ZNF407: variants seen among roughly 807,000 people sequenced by gnomAD.
ZNF407 encodes zinc finger protein 407.
ZNF407 carries 17 observed loss-of-function variants against 131.2 expected under a neutral mutation model. The observed-to-expected ratio is 0.13, with a 90% CI of 0.09 to 0.19. The LOEUF is 0.19. Ranked by LOEUF, ZNF407 falls within the 10% of genes least tolerant of loss-of-function variation. The pLI is 1.00. For missense variants in ZNF407, 2,681 were observed against 2,830.6 expected, an observed-to-expected ratio of 0.95 and a Z score of 1.20; for synonymous variants, 1,156 against 1,062.0, an observed-to-expected ratio of 1.09 and a Z score of -1.72.
At chr18:74,727,628 T>C (rs1242971189) in intron 3 of ZNF407, among the ~76,000 whole-genome samples, 3 of 152,198 alleles carry the variant, frequency 2.0e-5, no homozygotes, top group Admixed American at 6.5e-5. Context: ...TCGTTACTTT[T>C]CAACTTTCAG....
Position 74,661,310 on chromosome 18 carries a change from C to T in ZNF407, c.4802+20188C>T, listed in dbSNP as rs961796368. ...TATTGGCACCTTCAAATAGTATTGACTTCTAAAAGGCTGTAAGCTTAGTAA... is the reference window on the plus strand; with the variant it reads ...TATTGGCACCTTCAAATAGTATTGATTTCTAAAAGGCTGTAAGCTTAGTAA... On this transcript the variant is annotated intron_variant, in intron 3 of 8. Transcript: ENST00000299687. 2.0e-5 allele frequency among the ~76,000 whole-genome samples: 3 copies of T among 151,272 alleles called. No individual in the cohort carries two copies. The Middle Eastern group carries it at 0.01, about 518-fold the overall frequency.
At chr18:74,838,070 C>T (rs1269062733) in intron 4 of ZNF407, among the ~76,000 whole-genome samples, 2 of 152,184 alleles carry the variant, frequency 1.3e-5, no homozygotes, top group East Asian at 3.8e-4. Context: ...ATTGATTACT[C>T]ATATTGGCAG....
chr18:74,855,516 TA>T (rs1970847282), intron 4 of ZNF407, among the ~76,000 whole-genome samples: 1 of 152,210 alleles, frequency 6.6e-6, no homozygotes, highest in Non-Finnish European at 1.5e-5. Context: ...CCAAAAGCCA[TA>T]ATGTGAAATT....
intron 3 of ZNF407, among the ~76,000 whole-genome samples, chr18:74,716,107 T>C (rs1967887925): frequency 6.6e-6 from 1 of 152,240 alleles, no homozygotes; most frequent in African/African-American, 2.4e-5. Context: ...ACATAGTTTT[T>C]TCAAATAGAT....
intron 7 of ZNF407, among the ~76,000 whole-genome samples, chr18:74,912,146 G>A (rs1460724395): frequency 6.6e-6 from 1 of 152,092 alleles, no homozygotes; most frequent in Non-Finnish European, 1.5e-5. Context: ...TATAACATCT[G>A]TGCCAAGCTC....
At chr18:75,020,580 C>T (rs1358280181) in intron 8 of ZNF407, among the ~76,000 whole-genome samples, 1 of 152,012 alleles carries the variant, frequency 6.6e-6, no homozygotes, top group Non-Finnish European at 1.5e-5. Flanking sequence ...AAATGAATAG[C>T]CCAGTAAAAT....
At chr18:74,832,921 G>C (rs1970505132) in intron 4 of ZNF407, among the ~76,000 whole-genome samples, 1 of 152,068 alleles carries the variant, frequency 6.6e-6, no homozygotes, top group Non-Finnish European at 1.5e-5. Context: ...CAATGGAAAA[G>C]GAATTACTTG....
chr18:74,755,699 C>T (rs568199909), intron 3 of ZNF407, among the ~76,000 whole-genome samples: 1 of 145,658 alleles, frequency 6.9e-6, no homozygotes, highest in Non-Finnish European at 1.5e-5. Context: ...AGCGATTCTT[C>T]TGCCTCAGCC....
chr18:74,735,681 A>G (rs1968395902), intron 3 of ZNF407, among the ~76,000 whole-genome samples: 1 of 152,208 alleles, frequency 6.6e-6, no homozygotes, highest in African/African-American at 2.4e-5. Flanking sequence ...CTTCAATGTC[A>G]TTTTAAGGAT....
chr18:75,033,237 A>C (rs1390565384), intron 8 of ZNF407, among the ~76,000 whole-genome samples: 1 of 143,000 alleles, frequency 7.0e-6, no homozygotes, highest in South Asian at 2.3e-4. Context: ...TAGATAACTG[A>C]GAGTGCTCGG....
chr18:75,058,023 GCACA>G (rs1218088441), intron 8 of ZNF407, among the ~76,000 whole-genome samples: 2 of 152,160 alleles, frequency 1.3e-5, no homozygotes, highest in African/African-American at 4.8e-5. Flanking sequence ...GGAAGGAGCA[GCACA>G]CACACAGAGG....
At chr18:74,872,715 C>T (rs1027642000) in intron 4 of ZNF407, among the ~76,000 whole-genome samples, 5 of 147,760 alleles carry the variant, frequency 3.4e-5, no homozygotes, top group Non-Finnish European at 7.4e-5. Flanking sequence ...GAGATCGGGC[C>T]ACTCTACTCC....
intron 4 of ZNF407, among the ~76,000 whole-genome samples, chr18:74,863,662 C>G (rs931928602): frequency 1.3e-5 from 2 of 152,214 alleles, no homozygotes; most frequent in African/African-American, 2.4e-5. Context: ...CAGACTGCAG[C>G]GAATTAAAGG....
rs144613362 is a variant in ZNF407, at chr18:74,872,637, G to A, written c.4878-4560G>A. ...CCAGGCGTGGTGGTACGTGCTTCTA[G>A]TCCCAGCTACTTGGGAGGCTGAAGC... On this transcript the variant is annotated intron_variant, in intron 4 of 8. Transcript: ENST00000299687. Among the ~76,000 whole-genome samples the A allele has an allele frequency of 3.5e-3, 530 of 151,724 alleles. 3 individuals carry two copies. The highest frequency in any genetic ancestry group is 5.3e-3 in the Non-Finnish European group (358 of 67,932).
intron 4 of ZNF407, among the ~76,000 whole-genome samples, chr18:74,844,129 G>A (rs1970670355): frequency 6.6e-6 from 1 of 152,116 alleles, no homozygotes. Context: ...TGACTCTACT[G>A]CCCTGCTCCT....
At chr18:74,919,277 A>G (rs766671671) in intron 7 of ZNF407, among the ~76,000 whole-genome samples, 5 of 152,264 alleles carry the variant, frequency 3.3e-5, no homozygotes, top group African/African-American at 9.6e-5. Context: ...CTTGACCAAT[A>G]TTTCCCAAGG....
intron 1 of ZNF407, among the ~76,000 whole-genome samples, chr18:74,629,938 T>C (rs1212383529): frequency 3.3e-5 from 5 of 152,192 alleles, no homozygotes; most frequent in Non-Finnish European, 1.5e-5. Context: ...TTAATTCTAC[T>C]CTACCACTGA....
At chr18:74,620,399 G>A (rs990858614) in intron 1 of ZNF407, among the ~76,000 whole-genome samples, 18 of 152,268 alleles carry the variant, frequency 1.2e-4, no homozygotes, top group South Asian at 2.1e-4. Context: ...CTGGTCTCCC[G>A]TTCTGTTTTA....
At chr18:74,924,567 A>G (rs1221189083) in intron 8 of ZNF407, among the ~76,000 whole-genome samples, 2 of 152,166 alleles carry the variant, frequency 1.3e-5, no homozygotes, top group African/African-American at 4.8e-5. Context: ...CATGTTGCCC[A>G]TCCATAAATA....
Sources: allele counts gnomAD v4.1 joint callset (sites outside exome capture counted in the v4.1 genomes callset), GRCh38; gene constraint gnomAD v4.1.1; transcripts MANE v1.5; gene names NCBI Gene and HGNC (gene_info 2026-07-23, HGNC 2026-07-21).